Variants in ZNF469 observed in about 807,000 individuals in gnomAD.
The protein encoded by ZNF469 is zinc finger protein 469.
Under a neutral mutation model 1.0 loss-of-function variants are expected in ZNF469, and 1 was observed. The observed-to-expected ratio is 1.00, with a 90% confidence interval of 0.35 to 4.73. The LOEUF (loss-of-function observed/expected upper bound fraction) is 4.73. Ranked by LOEUF, ZNF469 falls within the 30% of genes most tolerant of loss-of-function variation. The pLI, the probability that ZNF469 is intolerant of heterozygous loss-of-function variation, is 0.16. For synonymous variants in ZNF469, 2,703 were observed against 2,363.4 expected (o/e 1.14, Z -4.17); for missense variants, 6,100 against 5,356.3 (o/e 1.14, Z -4.33).
the ZNF469 span, among the ~76,000 whole-genome samples, chr16:88,372,437 TCAC>T: frequency 7.0e-6 from 1 of 143,762 alleles, no homozygotes; most frequent in African/African-American, 2.6e-5. Flanking sequence ...ACCATCATCA[TCAC>T]CATCACCATC....
chr16:88,431,231 G>C lies in ZNF469; in HGVS notation c.3761G>C (p.Gly1254Ala). Residue 1254 changes from glycine (G) to alanine (A), a missense_variant, in exon 3 of 3, where the codon GGA becomes GCA. Coordinates refer to ENST00000565624, the MANE Select transcript of ZNF469 (RefSeq NM_001367624.2). ...CGTTCTCCTCCAGCCGCCTGTGCGG[G>C]AGAAATGGGAGCAAGCCCCGGTCTC... The part of the protein sequence containing the change: ...ALRSPPAACA[G>A]EMGASPGLLI... 3 of 1,550,394 alleles carry C rather than the reference G, an allele frequency of 1.9e-6. No individual in the cohort carries two copies. Among genetic ancestry groups the C allele is most frequent in the South Asian group, 1.2e-5 (1 of 84,062 alleles).
the ZNF469 span, among the ~76,000 whole-genome samples, chr16:88,291,053 GGT>G: frequency 6.6e-6 from 1 of 152,158 alleles, no homozygotes; most frequent in Non-Finnish European, 1.5e-5. Flanking sequence ...ATGGGCTCCA[GGT>G]GTGTGTCCGT....
At chr16:88,324,083 C>G in the ZNF469 span, among the ~76,000 whole-genome samples, 1 of 152,180 alleles carries the variant, frequency 6.6e-6, no homozygotes, top group East Asian at 1.9e-4. Context: ...GGGTGAGATC[C>G]GCCGCAAAAA....
rs531617542 is a variant in ZNF469, at chr16:88,439,103, G to A, written c.11633G>A (p.Arg3878Gln). The A allele has an allele frequency of 3.9e-5, 60 of 1,550,960 alleles. No individual in the cohort carries two copies. Among genetic ancestry groups the A allele is most frequent in the Admixed American group, 2.0e-4 (10 of 51,008 alleles). Reference protein sequence around the residue: ...NKPRPPPSEQRKAEPGHTQRK... With the variant: ...NKPRPPPSEQQKAEPGHTQRK... ...CCCAGGCCGCCACCATCAGAGCAGC[G>A]GAAGGCAGAGCCGGGCCACACACAG... Residue 3878 changes from arginine (R) to glutamine (Q), a missense_variant, in exon 3 of 3, where the codon CGG becomes CAG. Transcript: ENST00000565624.
chr16:88,434,048 C>T lies in ZNF469; in HGVS notation c.6578C>T (p.Pro2193Leu), dbSNP rs781489620. ...ATTDTGAEDS[P>L]VAPPSLTTSP... ...ACAGATACTGGGGCTGAGGATTCCC[C>T]GGTGGCTCCCCCGTCTTTGACAACA... Residue 2193 changes from proline (P) to leucine (L), a missense_variant, in exon 3 of 3, where the codon CCG (proline) becomes CTG (leucine). Physicochemically the swap from Pro to Leu is moderately conservative, Grantham distance 98. Transcript: ENST00000565624. 9.0e-6 allele frequency: 14 copies of T among 1,550,168 alleles called. No individual in the cohort carries two copies. Among genetic ancestry groups the T allele is most frequent in the African/African-American group, 8.2e-5 (6 of 73,034 alleles).
At chr16:88,288,624 A>G in the ZNF469 span, among the ~76,000 whole-genome samples, 1 of 152,190 alleles carries the variant, frequency 6.6e-6, no homozygotes, top group African/African-American at 2.4e-5. Context: ...TCTTCTGCCA[A>G]GAGGAATTCT....
chr16:88,278,797 C>T, the ZNF469 span, among the ~76,000 whole-genome samples: 1 of 126,628 alleles, frequency 7.9e-6, no homozygotes, highest in South Asian at 2.6e-4. Flanking sequence ...GATATTAATG[C>T]ACGGTTAGTG....
chr16:88,419,453 C>T (rs930385558), intron 1 of ZNF469, among the ~76,000 whole-genome samples: 2 of 152,208 alleles, frequency 1.3e-5, no homozygotes, highest in Non-Finnish European at 2.9e-5. Flanking sequence ...GTTCTGTGAG[C>T]CTCAGTTTCC....
the ZNF469 span, among the ~76,000 whole-genome samples, chr16:88,329,364 G>T: frequency 6.6e-6 from 1 of 152,260 alleles, no homozygotes. Flanking sequence ...AAGGGAGGGT[G>T]TGTGAGACGT....
At chr16:88,395,069 A>C (rs1904615658) in intron 1 of ZNF469, among the ~76,000 whole-genome samples, 1 of 152,154 alleles carries the variant, frequency 6.6e-6, no homozygotes, top group African/African-American at 2.4e-5. Flanking sequence ...CGCCGCAAGG[A>C]GTGAATCAGC....
At chr16:88,105,309 T>C in the ZNF469 span, among the ~76,000 whole-genome samples, 7 of 148,464 alleles carry the variant, frequency 4.7e-5, no homozygotes, top group East Asian at 1.9e-4. Context: ...CTTTCTTTTT[T>C]TTTTTTTTTT....
At chr16:88,309,416 C>T in the ZNF469 span, among the ~76,000 whole-genome samples, 1 of 151,142 alleles carries the variant, frequency 6.6e-6, no homozygotes, top group African/African-American at 2.4e-5. Context: ...GGGGAGTGCC[C>T]TCTGAGGTCC....
upstream of ZNF469, among the ~76,000 whole-genome samples, chr16:88,380,589 TCACA>T (rs1227483539): frequency 6.1e-4 from 61 of 100,186 alleles, no homozygotes; most frequent in African/African-American, 2.2e-3. Context: ...AGACATGCAC[TCACA>T]CACATGCACT....
upstream of ZNF469, among the ~76,000 whole-genome samples, chr16:88,379,641 C>T (rs973225096): frequency 6.6e-5 from 10 of 152,176 alleles, no homozygotes; most frequent in East Asian, 3.9e-4. Context: ...ACTGGGGAGG[C>T]GTGGCAGCAG....
chr16:88,343,592 C>T, the ZNF469 span, among the ~76,000 whole-genome samples: 1 of 152,168 alleles, frequency 6.6e-6, no homozygotes, highest in Non-Finnish European at 1.5e-5. Context: ...CGAGCGGCTG[C>T]CTCTGCTAAG....
the ZNF469 span, among the ~76,000 whole-genome samples, chr16:88,303,364 G>A: frequency 6.6e-6 from 1 of 152,210 alleles, no homozygotes; most frequent in African/African-American, 2.4e-5. Flanking sequence ...TTTCTGCTCT[G>A]CACCCTCGCC....
chr16:88,430,502 G>A lies in ZNF469; in HGVS notation c.3032G>A (p.Arg1011Gln), dbSNP rs1427915778. 24 of 1,419,688 alleles carry A rather than the reference G, an allele frequency of 1.7e-5. No individual in the cohort carries two copies. In the East Asian group the frequency reaches 4.9e-4, roughly 29 times the overall value. The allele number at this position is 1,419,688 out of a possible 1,614,324, so 87.9% of individuals were successfully genotyped here. Residue 1011 changes from arginine (R) to glutamine (Q), a missense_variant, in exon 3 of 3, where the codon CGG (arginine) becomes CAG (glutamine). By Grantham distance (43) the Arg-to-Gln change is conservative. Transcript: ENST00000565624. ...APGSRADPAPRVPRAAALPEE... is the reference protein window; with the variant it reads ...APGSRADPAPQVPRAAALPEE... ...GGGAGCCGCGCAGACCCCGCGCCCC[G>A]GGTCCCGAGAGCCGCCGCCCTCCCC... is the stretch of plus-strand genomic sequence containing the variant.
chr16:88,391,684 G>A (rs987707060), intron 1 of ZNF469, among the ~76,000 whole-genome samples: 1 of 152,214 alleles, frequency 6.6e-6, no homozygotes. Context: ...TGTGGCCCAC[G>A]GCAAGCACCC....
At chr16:88,118,031 C>T in the ZNF469 span, among the ~76,000 whole-genome samples, 2 of 152,246 alleles carry the variant, frequency 1.3e-5, no homozygotes, top group Non-Finnish European at 2.9e-5. Flanking sequence ...CAACCTCCGC[C>T]TCCTGGATTC....
Sources: gnomAD v4.1 joint callset for allele counts (sites outside exome capture counted in the v4.1 genomes callset) on GRCh38, gnomAD v4.1.1 for gene constraint, MANE v1.5 for transcripts, NCBI Gene and HGNC (gene_info 2026-07-23, HGNC 2026-07-21) for gene names.